Variants in BAALC observed in about 807,000 individuals in gnomAD.
BAALC encodes brain and acute leukemia cytoplasmic protein.
BAALC carries 9 observed loss-of-function variants against 15.5 expected under a neutral mutation model. The observed-to-expected ratio is 0.58, with a 90% CI of 0.35 to 1.02. The LOEUF is 1.02. BAALC is among the 50% of genes least tolerant of loss of function. The pLI, the probability that BAALC is intolerant of heterozygous loss-of-function variation, is 0.02. For synonymous variants in BAALC, 80 were observed against 74.6 expected (o/e 1.07, Z -0.37); for missense variants, 201 against 192.4 (o/e 1.04, Z -0.27).
At chr8:103,168,634 C>A (rs1246046535) in intron 1 of BAALC, among the ~76,000 whole-genome samples, 1 of 151,760 alleles carries the variant, frequency 6.6e-6, no homozygotes, top group Admixed American at 6.6e-5. Flanking sequence ...CTTTTAATTG[C>A]CCTTGGAGTT....
chr8:103,218,244 T>A (rs891264440), intron 2 of BAALC, among the ~76,000 whole-genome samples: 3 of 152,142 alleles, frequency 2.0e-5, no homozygotes, highest in African/African-American at 7.2e-5. Context: ...AGGTGTTAAC[T>A]GGCAAGAAGA....
chr8:103,180,604 G>C (rs1018731000), intron 1 of BAALC, among the ~76,000 whole-genome samples: 6 of 152,180 alleles, frequency 3.9e-5, no homozygotes, highest in African/African-American at 1.4e-4. Context: ...ACCAGGGAGA[G>C]AGAAACTGGA....
intron 2 of BAALC, chr8:103,219,430 T>C (rs1812631546): frequency 6.6e-6 from 1 of 152,382 alleles, no homozygotes; most frequent in South Asian, 2.1e-4. Context: ...CTGTGATGAC[T>C]GTTCTGTGGT....
At chr8:103,210,237 C>T (rs1812422307) in intron 1 of BAALC, among the ~76,000 whole-genome samples, 1 of 152,242 alleles carries the variant, frequency 6.6e-6, no homozygotes, top group Non-Finnish European at 1.5e-5. Context: ...AGCCTAGCTG[C>T]AGGAATCCAT....
intron 2 of BAALC, among the ~76,000 whole-genome samples, chr8:103,213,815 G>T (rs569019656): frequency 3.9e-5 from 6 of 152,082 alleles, no homozygotes; most frequent in African/African-American, 1.4e-4. Flanking sequence ...CTTACCCTAG[G>T]CTCCATACCC....
At chr8:103,225,488 A>C (rs1812786204) in intron 2 of BAALC, among the ~76,000 whole-genome samples, 1 of 152,186 alleles carries the variant, frequency 6.6e-6, no homozygotes, top group African/African-American at 2.4e-5. Context: ...CAAGTAATTG[A>C]AAAAGTACAC....
intron 1 of BAALC, among the ~76,000 whole-genome samples, chr8:103,186,353 C>A (rs1811837688): frequency 6.6e-6 from 1 of 152,206 alleles, no homozygotes; most frequent in South Asian, 2.1e-4. Flanking sequence ...GCAGAAGGAA[C>A]TTGCCTAAGA....
intron 1 of BAALC, among the ~76,000 whole-genome samples, chr8:103,195,636 A>G (rs922877480): frequency 7.3e-5 from 11 of 151,688 alleles, no homozygotes; most frequent in African/African-American, 2.4e-4. Context: ...TGTTCCTTTC[A>G]CTCCCTGATA....
At chr8:103,141,396 A>C in intron 1 of BAALC, 1 of 253,950 alleles carries the variant, frequency 3.9e-6, no homozygotes, top group Non-Finnish European at 7.5e-6. Context: ...CCACCCCCTG[A>C]TCCGCCCAGG....
chr8:103,171,315 C>A (rs1811482440), intron 1 of BAALC, among the ~76,000 whole-genome samples: 2 of 129,022 alleles, frequency 1.6e-5, no homozygotes, highest in African/African-American at 3.0e-5. Context: ...GAGGAGGAAA[C>A]AGTGAGAGAA....
intron 1 of BAALC, among the ~76,000 whole-genome samples, chr8:103,144,240 G>A (rs1810837746): frequency 2.0e-5 from 3 of 152,172 alleles, no homozygotes; most frequent in Admixed American, 2.0e-4. Flanking sequence ...GTTCCACAAA[G>A]AAGAAGGTTT....
chr8:103,151,626 C>T (rs1810990679), intron 1 of BAALC, among the ~76,000 whole-genome samples: 1 of 152,140 alleles, frequency 6.6e-6, no homozygotes, highest in Non-Finnish European at 1.5e-5. Context: ...TTATGATTGC[C>T]CCTATAAGCA....
At chr8:103,161,726 T>C (rs1811229055) in intron 1 of BAALC, among the ~76,000 whole-genome samples, 1 of 152,194 alleles carries the variant, frequency 6.6e-6, no homozygotes, top group African/African-American at 2.4e-5. Context: ...TTGTGCCATT[T>C]TGCATTCCCA....
At chr8:103,185,861 G>A (rs1352636330) in intron 1 of BAALC, among the ~76,000 whole-genome samples, 1 of 152,200 alleles carries the variant, frequency 6.6e-6, no homozygotes, top group African/African-American at 2.4e-5. Context: ...CTGTGGCCAT[G>A]GGCCTTGTAG....
chr8:103,176,593 G>A (rs1315360136), intron 1 of BAALC, among the ~76,000 whole-genome samples: 1 of 152,102 alleles, frequency 6.6e-6, no homozygotes, highest in Non-Finnish European at 1.5e-5. Flanking sequence ...AACCCACCAC[G>A]CTATCTAATT....
chr8:103,190,287 T>C (rs1811936633), intron 1 of BAALC, among the ~76,000 whole-genome samples: 1 of 152,150 alleles, frequency 6.6e-6, no homozygotes, highest in Non-Finnish European at 1.5e-5. Context: ...TCAACATCAC[T>C]TCCTGAATCT....
intron 1 of BAALC, among the ~76,000 whole-genome samples, chr8:103,163,072 G>A (rs1156448301): frequency 6.6e-6 from 1 of 151,952 alleles, no homozygotes; most frequent in East Asian, 1.9e-4. Flanking sequence ...GTCCCTTTCT[G>A]CAGCTTTCAG....
chr8:103,198,277 A>G, intron 1 of BAALC: 1 of 554,290 alleles, frequency 1.8e-6, no homozygotes. Context: ...AGCATATTTG[A>G]TGATTAAATG....
intron 1 of BAALC, among the ~76,000 whole-genome samples, chr8:103,154,463 T>C (rs1352521360): frequency 6.6e-6 from 1 of 152,120 alleles, no homozygotes; most frequent in African/African-American, 2.4e-5. Context: ...CCCTTCACAT[T>C]ATTGCCAGGT....
Sources: gnomAD v4.1 joint callset for allele counts (sites outside exome capture counted in the v4.1 genomes callset) on GRCh38, gnomAD v4.1.1 for gene constraint, MANE v1.5 for transcripts, NCBI Gene and HGNC (gene_info 2026-07-23, HGNC 2026-07-21) for gene names.